The following KANK1 variants were observed in gnomAD, a reference collection of about 807,000 sequenced individuals.
KANK1 encodes KN motif and ankyrin repeat domain-containing protein 1.
Under a neutral mutation model 106.2 loss-of-function variants are expected in KANK1, and 109 were observed. The observed-to-expected ratio is 1.03, with a 90% CI of 0.88 to 1.20. KANK1 has a LOEUF of 1.20. KANK1 is among the 50% of genes most tolerant of loss of function. The pLI, the probability that KANK1 is intolerant of heterozygous loss-of-function variation, is 0.00. For missense variants in KANK1, 2,399 were observed against 1,710.7 expected (o/e 1.40, Z -7.10); for synonymous variants, 873 against 652.2 (o/e 1.34, Z -5.16).
intron 2 of KANK1, chr9:686,958 G>T: frequency 3.0e-6 from 3 of 984,212 alleles, no homozygotes; most frequent in Non-Finnish European, 3.6e-6. Flanking sequence ...TTTCCTCTGG[G>T]CTCTTATCCT....
chr9:605,245 G>C (rs1468910635), intron 1 of KANK1, among the ~76,000 whole-genome samples: 1 of 146,070 alleles, frequency 6.8e-6, no homozygotes, highest in African/African-American at 2.6e-5. Context: ...AGGTTGCAGT[G>C]AGCCCAGATT....
At chr9:677,118 GATTT>G in intron 2 of KANK1, 109 bp downstream of exon 2, 1 of 977,490 alleles carries the variant, frequency 1.0e-6, no homozygotes, top group Non-Finnish European at 1.5e-6. Flanking sequence ...AGATAACTAG[GATTT>G]CAAAGCAATT....
chr9:554,694 A>G (rs773108318), intron 1 of KANK1, among the ~76,000 whole-genome samples: 18 of 152,264 alleles, frequency 1.2e-4, no homozygotes, highest in Admixed American at 2.6e-4. Context: ...AACATCACTC[A>G]TAGGAATGCT....
chr9:577,373 C>G (rs1205357796), intron 1 of KANK1, among the ~76,000 whole-genome samples: 1 of 152,102 alleles, frequency 6.6e-6, no homozygotes, highest in Non-Finnish European at 1.5e-5. Context: ...TAGCTAGACA[C>G]AGAGTGCTGA....
At chr9:662,505 G>A (rs1334394492) in intron 1 of KANK1, among the ~76,000 whole-genome samples, 3 of 150,836 alleles carry the variant, frequency 2.0e-5, no homozygotes, top group Admixed American at 6.6e-5. Context: ...TGGAACAGAG[G>A]CCTCAGAAAT....
chr9:523,004 C>T (rs1473118446), intron 1 of KANK1, among the ~76,000 whole-genome samples: 2 of 151,720 alleles, frequency 1.3e-5, no homozygotes, highest in Non-Finnish European at 2.9e-5. Flanking sequence ...TGTAAGGTCT[C>T]AGTTCTTGAT....
At chr9:679,831 T>C (rs10975767) in intron 2 of KANK1, among the ~76,000 whole-genome samples, 29,124 of 152,216 alleles carry the variant, frequency 0.19, 3,070 homozygotes, top group Non-Finnish European at 0.22. Flanking sequence ...TCAAATGTTA[T>C]ATATTTCACA....
chr9:650,922 C>T (rs1397965242), intron 1 of KANK1, among the ~76,000 whole-genome samples: 4 of 152,000 alleles, frequency 2.6e-5, no homozygotes, highest in Non-Finnish European at 5.9e-5. Context: ...AGAAGAAATG[C>T]ACAAAGGAGA....
At chr9:576,267 A>T (rs569667589) in intron 1 of KANK1, among the ~76,000 whole-genome samples, 3 of 152,278 alleles carry the variant, frequency 2.0e-5, no homozygotes, top group African/African-American at 7.2e-5. Flanking sequence ...TATGAGTTTA[A>T]ATGCTCAGGG....
At chr9:563,470 C>T (rs1390327059) in intron 1 of KANK1, among the ~76,000 whole-genome samples, 1 of 152,202 alleles carries the variant, frequency 6.6e-6, no homozygotes, top group East Asian at 1.9e-4. Flanking sequence ...GGACTTCTCT[C>T]ATTGCCACTA....
chr9:497,906 T>C (rs1356525989), intron 3 of KANK1, among the ~76,000 whole-genome samples: 1 of 152,064 alleles, frequency 6.6e-6, no homozygotes, highest in Non-Finnish European at 1.5e-5. Flanking sequence ...AGAAAATTAC[T>C]TCTAGGGACC....
chr9:500,672 G>A (rs2058534646), upstream of KANK1, among the ~76,000 whole-genome samples: 2 of 152,188 alleles, frequency 1.3e-5, no homozygotes, highest in Admixed American at 6.5e-5. Flanking sequence ...AAAAGGCAAA[G>A]GATACTTTAT....
intron 1 of KANK1, among the ~76,000 whole-genome samples, chr9:652,525 A>T (rs1037309831): frequency 6.6e-6 from 1 of 152,178 alleles, no homozygotes; most frequent in African/African-American, 2.4e-5. Context: ...CTGTGTCTCA[A>T]AAGTAAAATA....
intron 1 of KANK1, among the ~76,000 whole-genome samples, chr9:602,404 C>A (rs1055565278): frequency 1.3e-5 from 2 of 151,620 alleles, no homozygotes; most frequent in South Asian, 2.1e-4. Context: ...GGACTACAGG[C>A]ATGCACCACC....
chr9:739,435 A>T (rs1834748014), intron 8 of KANK1, among the ~76,000 whole-genome samples: 1 of 152,222 alleles, frequency 6.6e-6, no homozygotes, highest in Non-Finnish European at 1.5e-5. Context: ...TGCAGAGAAG[A>T]AAGCCAAGCA....
intron 1 of KANK1, among the ~76,000 whole-genome samples, chr9:613,026 T>C (rs1466445505): frequency 6.6e-6 from 1 of 152,094 alleles, no homozygotes. Flanking sequence ...AAATAAAATT[T>C]TTAAATGAGT....
rs542868576 is a variant in KANK1 at position 736,588 on chromosome 9, A to G, written c.3334-1697A>G. Among the ~76,000 whole-genome samples, 114 of 152,152 alleles carry G rather than the reference A, an allele frequency of 7.5e-4. No homozygotes were observed. In the South Asian group the frequency reaches 0.022, roughly 29 times the overall value. Reference sequence around the variant, plus strand: ...ATGGCATGTACCCATGGTCCTAGCTACTTGGGAGGCTGAGGCAAGAAGATA... The same window carrying G: ...ATGGCATGTACCCATGGTCCTAGCTGCTTGGGAGGCTGAGGCAAGAAGATA... On this transcript the variant is annotated intron_variant, in intron 7 of 11. Coordinates refer to ENST00000382297, the MANE Select transcript of KANK1 (RefSeq NM_015158.5).
In KANK1 at chr9:529,206, G is replaced by C. The variant is rs2059941979; in HGVS notation, c.-84+24452G>C. ...CAGGCAACTGGTATTCCTCCTTCCA[G>C]AGATAACTCTGTTAATATATATATA... On this transcript the variant is annotated intron_variant, in intron 1 of 11. Transcript: ENST00000382297. Among the ~76,000 whole-genome samples, 3 of 151,172 alleles carry C rather than the reference G, an allele frequency of 2.0e-5. No homozygotes were observed. The South Asian group carries it at 6.3e-4, about 32-fold the overall frequency.
At chr9:667,508 T>C (rs1457552157) in intron 1 of KANK1, among the ~76,000 whole-genome samples, 1 of 152,096 alleles carries the variant, frequency 6.6e-6, no homozygotes, top group Non-Finnish European at 1.5e-5. Flanking sequence ...TATTAGTCCA[T>C]TATTAGGTTG....
Sources: gnomAD v4.1 joint callset for allele counts (sites outside exome capture counted in the v4.1 genomes callset) on GRCh38, gnomAD v4.1.1 for gene constraint, MANE v1.5 for transcripts, NCBI Gene and HGNC (gene_info 2026-07-23, HGNC 2026-07-21) for gene names.